Variants in PNMA6F observed in about 807,000 individuals in gnomAD.
PNMA6F encodes PNMA family member 6F, also known as paraneoplastic antigen Ma6F.
For synonymous variants in PNMA6F, 14 were observed against 3.4 expected (o/e 4.15, Z -3.45); for missense variants, 57 against 10.8 (o/e 5.25, Z -5.98).
Position 153,317,893 on chromosome X carries a change from C to T in PNMA6F, c.*1045G>A, listed in dbSNP as rs1332632657. 9.2e-6 allele frequency: 1 copy of T among 108,443 alleles called. No homozygotes were observed. Among genetic ancestry groups the T allele is most frequent in the Non-Finnish European group, 2.1e-5 (1 of 46,620 alleles). 8.9% of individuals were successfully genotyped at this position (108,443 alleles called of 1,213,427 possible). A position where few individuals can be genotyped will look rare whatever the true frequency, so the allele number is the denominator to read the frequency against. Reference sequence around the variant, plus strand: ...CTGCCAACTCCCTCCTTCCTGAGGGCCCCAGGGTCCGCCTCTTGCCAGGAT... The same window carrying T: ...CTGCCAACTCCCTCCTTCCTGAGGGTCCCAGGGTCCGCCTCTTGCCAGGAT... On this transcript the variant is annotated 3_prime_UTR_variant, in exon 2 of 2. Transcript: ENST00000436629.
rs1418752267 is a variant in PNMA6F, at chrX:153,319,819, C to T, written c.856G>A (p.Ala286Thr). The T allele has an allele frequency of 5.0e-5, 15 of 300,077 alleles. No homozygotes were observed. The highest frequency in any genetic ancestry group is 2.9e-4 in the East Asian group (6 of 21,026). The allele number at this position is 300,077 out of a possible 1,213,427, so 24.7% of individuals were successfully genotyped here. A position where few individuals can be genotyped will look rare whatever the true frequency, so the allele number is the denominator to read the frequency against. The change falls in exon 2 of 2, where the codon GCG becomes ACG. Residue 286 changes from alanine to threonine, a missense_variant. Ala to Thr is a moderately conservative substitution (Grantham distance 58, BLOSUM62 0). Coordinates refer to ENST00000436629, the MANE Select transcript of PNMA6F (RefSeq NM_001354980.2). Reference sequence around the variant, plus strand: ...CGCCTCCTTCTCTCCCTTTCCGACGCGTGGCACCACAGCTGCAGCATATCC... The same window carrying T: ...CGCCTCCTTCTCTCCCTTTCCGACGTGTGGCACCACAGCTGCAGCATATCC... The part of the protein sequence containing the change: ...AKDMLQLWCH[A>T]SERERRRRLL...
At chrX:153,321,491 C>A (rs924635404) in intron 1 of PNMA6F, 61 bp downstream of exon 1, 2 of 101,023 alleles carry the variant, frequency 2.0e-5, no homozygotes, top group Middle Eastern at 4.9e-3. Context: ...GCGGAGGCAG[C>A]GATCTGGCAC....
chrX:153,320,807 C>A, intron 1 of PNMA6F, 50 bp from the exon 2 acceptor site: 1 of 291,744 alleles, frequency 3.4e-6, no homozygotes, highest in Non-Finnish European at 6.0e-6. Flanking sequence ...AATCAACCCA[C>A]CCCCACTACA....
Position 153,320,749 on chromosome X carries a change from T to C in PNMA6F, c.-75A>G, listed in dbSNP as rs1436514326. 2.0e-5 allele frequency: 6 copies of C among 294,648 alleles called. No homozygotes were observed. Among genetic ancestry groups the C allele is most frequent in the African/African-American group, 5.5e-5 (2 of 36,342 alleles). The allele number at this position is 294,648 out of a possible 1,213,427, so 24.3% of individuals were successfully genotyped here. ...AATGTGTGCTGACTGTTGCAGTCTC[T>C]GACGCAGCCTGTGAGTGCAAAGGGG... On this transcript the variant is annotated 5_prime_UTR_variant, in exon 2 of 2. Transcript: ENST00000436629.
In PNMA6F at chrX:153,321,681, C is replaced by T. The variant is rs1157272230; in HGVS notation, c.-213G>A. ...GAAGATCTCGCCTCAGTCACGCGGCCGCGCTGCGCAGCGCAGGGGTCTCCA... is the reference window on the plus strand; with the variant it reads ...GAAGATCTCGCCTCAGTCACGCGGCTGCGCTGCGCAGCGCAGGGGTCTCCA... On this transcript the variant is annotated 5_prime_UTR_variant, in exon 1 of 2. Coordinates refer to ENST00000436629, the MANE Select transcript of PNMA6F (RefSeq NM_001354980.2). The T allele has an allele frequency of 9.3e-6, 1 of 107,710 alleles. No homozygotes were observed. The highest frequency in any genetic ancestry group is 3.4e-5 in the African/African-American group (1 of 29,349). 8.9% of individuals were successfully genotyped at this position (107,710 alleles called of 1,213,427 possible).
rs1236893644 is a variant in PNMA6F, at chrX:153,319,987, C to T, written c.688G>A (p.Val230Met). The T allele has an allele frequency of 9.1e-6, 3 of 329,893 alleles. No homozygotes were observed. Among genetic ancestry groups the T allele is most frequent in the African/African-American group, 5.4e-5 (2 of 36,956 alleles). The allele number at this position is 329,893 out of a possible 1,213,427, so 27.2% of individuals were successfully genotyped here. A position where few individuals can be genotyped will look rare whatever the true frequency, so the allele number is the denominator to read the frequency against. Residue 230 changes from valine to methionine, a missense_variant, in exon 2 of 2, where the codon GTG becomes ATG. Val to Met is a conservative substitution (Grantham distance 21). Coordinates refer to ENST00000436629, the MANE Select transcript of PNMA6F (RefSeq NM_001354980.2). ...AAGEAVGAGV[V>M]EAWTQSWRQT... ...CGCCATGACTGGGTCCAGGCCTCCA[C>T]CACACCTGCACCTACTGCCTCACCT...
At position 153,318,646 on chromosome X, in the gene PNMA6F, G is replaced by A. The variant is rs1046429855; in HGVS notation, c.*292C>T. 2 of 207,539 alleles carry A rather than the reference G, an allele frequency of 9.6e-6. No homozygotes were observed. The highest frequency in any genetic ancestry group is 1.8e-5 in the Non-Finnish European group (2 of 113,936). The allele number at this position is 207,539 out of a possible 1,213,427, so 17.1% of individuals were successfully genotyped here. On this transcript the variant is annotated 3_prime_UTR_variant, in exon 2 of 2. Transcript: ENST00000436629. ...CACCTCTTGGGACATGTAGGCAGCTGTCACCCTTGAGAGGGCCTCTTTCCC... is the reference window on the plus strand; with the variant it reads ...CACCTCTTGGGACATGTAGGCAGCTATCACCCTTGAGAGGGCCTCTTTCCC...
In PNMA6F at chrX:153,319,669, A is replaced by G. The variant is rs2051981974; in HGVS notation, c.1006T>C (p.Trp336Arg). Residue 336 changes from tryptophan to arginine, a missense_variant, in exon 2 of 2, where the codon TGG (tryptophan) becomes CGG (arginine). Trp to Arg is a moderately radical substitution (Grantham distance 101). Transcript: ENST00000436629. ...LGQVFRSRDT[W>R]MTSRMKFLTC... ...AGGAACTTCATCCGCGAGGTCATCC[A>G]TGTATCCCGGCTCCTAAACACCTGC... The G allele has an allele frequency of 3.4e-6, 1 of 297,119 alleles. No homozygotes were observed. The highest frequency in any genetic ancestry group is 6.1e-5 in the Admixed American group (1 of 16,493). The allele number at this position is 297,119 out of a possible 1,213,427, so 24.5% of individuals were successfully genotyped here.
Position 153,320,688 on chromosome X carries a change from G to C in PNMA6F, c.-14C>G, listed in dbSNP as rs781903690. 1 of 297,753 alleles carries C rather than the reference G, an allele frequency of 3.4e-6. No individual in the cohort carries two copies. The highest frequency in any genetic ancestry group is 2.7e-5 in the African/African-American group (1 of 36,980). 24.5% of individuals were successfully genotyped at this position (297,753 alleles called of 1,213,427 possible). ...GTCCTGAAGCATCGCCAGAGCTATC[G>C]CAGAGGACTTGAGGGAGGGAGCCTG... On this transcript the variant is annotated 5_prime_UTR_variant, in exon 2 of 2. Transcript: ENST00000436629.
rs1038604203 is a variant in PNMA6F at position 153,320,142 on chromosome X, C to T, written c.533G>A (p.Gly178Asp). 1 of 351,988 alleles carries T rather than the reference C, an allele frequency of 2.8e-6. No homozygotes were observed. Among genetic ancestry groups the T allele is most frequent in the South Asian group, 7.8e-5 (1 of 12,892 alleles). The allele number at this position is 351,988 out of a possible 1,213,427, so 29.0% of individuals were successfully genotyped here. ...ACCTGCACCTCCTGCCTCACCTGCA[C>T]CTCCTGCCTCACCTGCTGCTCCTGC... ...GEAGAAGEAGGAGEAGGAGEA... is the reference protein window; with the variant it reads ...GEAGAAGEAGDAGEAGGAGEA... Residue 178 changes from glycine to aspartate, a missense_variant, in exon 2 of 2, where the codon GGT (glycine) becomes GAT (aspartate). Coordinates refer to ENST00000436629, the MANE Select transcript of PNMA6F (RefSeq NM_001354980.2).
At position 153,320,051 on chromosome X, in the gene PNMA6F, G is replaced by A. The variant is rs68154694; in HGVS notation, c.624C>T (p.Gly208=). 0.052 allele frequency: 16,815 copies of A among 324,424 alleles called. 1,286 individuals carry two copies. The highest frequency in any genetic ancestry group is 0.25 in the East Asian group (5,384 of 21,265). The allele number at this position is 324,424 out of a possible 1,213,427, so 26.7% of individuals were successfully genotyped here. A position where few individuals can be genotyped will look rare whatever the true frequency, so the allele number is the denominator to read the frequency against. ...CATCTTCACCTCCTTCCTCACCTGC[G>A]CCTCCTGCCTCACCTGCACCTCCTT... is the stretch of plus-strand genomic sequence containing the variant. The part of the protein sequence containing the change: ...GEEGGAGEAG[G]AGEEGGEDEA... Residue 208 remains glycine, a synonymous_variant, in exon 2 of 2, where the codon GGC becomes GGT. Transcript: ENST00000436629.
In PNMA6F at chrX:153,319,522, G is replaced by A. The variant is rs192678593; in HGVS notation, c.1153C>T (p.Arg385Trp). 5.4e-5 allele frequency: 16 copies of A among 297,085 alleles called. No homozygotes were observed. The highest frequency in any genetic ancestry group is 1.4e-4 in the African/African-American group (5 of 36,824). The allele number at this position is 297,085 out of a possible 1,213,427, so 24.5% of individuals were successfully genotyped here. ...HPAMANHLRL[R>W]QVLSRARPSE... Reference sequence around the variant, plus strand: ...GGGCGGGCCCGAGACAGCACCTGCCGCAGTCGCAGGTGGTTGGCCATGGCT... The same window carrying A: ...GGGCGGGCCCGAGACAGCACCTGCCACAGTCGCAGGTGGTTGGCCATGGCT... Residue 385 changes from arginine (R) to tryptophan (W), a missense_variant, in exon 2 of 2, where the codon CGG (arginine) becomes TGG (tryptophan). Physicochemically the swap from Arg to Trp is moderately radical, Grantham distance 101 (BLOSUM62 -3). Transcript: ENST00000436629.
rs2051989200 is a variant in PNMA6F at position 153,320,572 on chromosome X, C to T, written c.103G>A (p.Val35Met). Residue 35 changes from valine (V) to methionine (M), a missense_variant, in exon 2 of 2, where the codon GTG becomes ATG. Transcript: ENST00000436629. The part of the protein sequence containing the change: ...DCEEHEFQEA[V>M]RAALSPLGRY... ...CCCAGGGGCGACAGGGCAGCCCGCA[C>T]GGCCTCCTGGAACTCATGTTCCTCG... 3 of 295,649 alleles carry T rather than the reference C, an allele frequency of 1.0e-5. No individual in the cohort carries two copies. Among genetic ancestry groups the T allele is most frequent in the African/African-American group, 2.8e-5 (1 of 36,277 alleles). 24.4% of individuals were successfully genotyped at this position (295,649 alleles called of 1,213,427 possible).
rs782489777 is a variant in PNMA6F, at chrX:153,318,019, A to G, written c.*919T>C. 1 of 116,477 alleles carries G rather than the reference A, an allele frequency of 8.6e-6. No individual in the cohort carries two copies. Among genetic ancestry groups the G allele is most frequent in the East Asian group, 2.9e-4 (1 of 3,493 alleles). 9.6% of individuals were successfully genotyped at this position (116,477 alleles called of 1,213,427 possible). A position where few individuals can be genotyped will look rare whatever the true frequency, so the allele number is the denominator to read the frequency against. The stretch of plus-strand genomic sequence containing the variant: ...ATAGCCCTCACAGGACACTGAAAAC[A>G]CAGCAGGGAACACCCCCCCAAGTCA... On this transcript the variant is annotated 3_prime_UTR_variant, in exon 2 of 2. Coordinates refer to ENST00000436629, the MANE Select transcript of PNMA6F (RefSeq NM_001354980.2).
rs2051974539 is a variant in PNMA6F, at chrX:153,318,816, C to G, written c.*122G>C. 1.0e-5 allele frequency: 3 copies of G among 297,345 alleles called. No homozygotes were observed. The highest frequency in any genetic ancestry group is 1.8e-5 in the Non-Finnish European group (3 of 170,242). The allele number at this position is 297,345 out of a possible 1,213,427, so 24.5% of individuals were successfully genotyped here. A position where few individuals can be genotyped will look rare whatever the true frequency, so the allele number is the denominator to read the frequency against. ...AGGGCTGGTGGTGGTGGCCAGGACC[C>G]ATTAGGGGAGGTGGGAGGCACAGCT... On this transcript the variant is annotated 3_prime_UTR_variant, in exon 2 of 2. Coordinates refer to ENST00000436629, the MANE Select transcript of PNMA6F (RefSeq NM_001354980.2).
chrX:153,321,051 C>G (rs1483884954), intron 1 of PNMA6F: 2 of 108,694 alleles, frequency 1.8e-5, no homozygotes, highest in Non-Finnish European at 3.8e-5. Flanking sequence ...GCCAGGAGTC[C>G]TCCCCTATCC....
chrX:153,318,725 C>G lies in PNMA6F; in HGVS notation c.*213G>C. 1 of 284,853 alleles carries G rather than the reference C, an allele frequency of 3.5e-6. No homozygotes were observed. The highest frequency in any genetic ancestry group is 5.0e-5 in the East Asian group (1 of 20,005). 23.5% of individuals were successfully genotyped at this position (284,853 alleles called of 1,213,427 possible). A position where few individuals can be genotyped will look rare whatever the true frequency, so the allele number is the denominator to read the frequency against. On this transcript the variant is annotated 3_prime_UTR_variant, in exon 2 of 2. Transcript: ENST00000436629. ...GGGGGGCAGACATCTTCAGGCTGGC[C>G]GCTCAGAGCTCCCTCCAGGCCAGCT... is the stretch of plus-strand genomic sequence containing the variant.
At position 153,318,726 on chromosome X, in the gene PNMA6F, G is replaced by A. The variant is rs900974899; in HGVS notation, c.*212C>T. On this transcript the variant is annotated 3_prime_UTR_variant, in exon 2 of 2. Coordinates refer to ENST00000436629, the MANE Select transcript of PNMA6F (RefSeq NM_001354980.2). ...GGGGGCAGACATCTTCAGGCTGGCC[G>A]CTCAGAGCTCCCTCCAGGCCAGCTC... 7 of 283,471 alleles carry A rather than the reference G, an allele frequency of 2.5e-5. No individual in the cohort carries two copies. The highest frequency in any genetic ancestry group is 1.9e-4 in the African/African-American group (7 of 36,533). The allele number at this position is 283,471 out of a possible 1,213,427, so 23.4% of individuals were successfully genotyped here. A position where few individuals can be genotyped will look rare whatever the true frequency, so the allele number is the denominator to read the frequency against.
chrX:153,319,309 G>A lies in PNMA6F; in HGVS notation c.1366C>T (p.Pro456Ser), dbSNP rs782441039. 6.0e-4 allele frequency: 179 copies of A among 297,241 alleles called. No individual in the cohort carries two copies. The highest frequency in any genetic ancestry group is 9.2e-4 in the Non-Finnish European group (156 of 170,206). The allele number at this position is 297,241 out of a possible 1,213,427, so 24.5% of individuals were successfully genotyped here. The stretch of plus-strand genomic sequence containing the variant: ...GCCTCGCTGGCGTCCCCCTGGGCCG[G>A]GGAGGCCTGGGCAGCAGCTGGGTCT... ...SEDPAAAQAS[P>S]AQGDASEADP... The change falls in exon 2 of 2, where the codon CCG becomes TCG. Residue 456 changes from proline to serine, a missense_variant. By Grantham distance (74) the Pro-to-Ser change is moderately conservative. Transcript: ENST00000436629.
Sources: gnomAD v4.1 joint callset for allele counts on GRCh38, gnomAD v4.1.1 for gene constraint, MANE v1.5 for transcripts, NCBI Gene and HGNC (gene_info 2026-07-23, HGNC 2026-07-21) for gene names.